Variants in ANKRD16 observed in about 807,000 individuals in gnomAD.
The protein encoded by ANKRD16 is ankyrin repeat domain 16.
In ANKRD16, 35 loss-of-function variants were observed where a neutral mutation model predicts 37.9. The ratio of observed to expected loss-of-function variants is 0.92; its 90% CI spans 0.71 to 1.23. ANKRD16 has a LOEUF of 1.23. Ranked by LOEUF, ANKRD16 falls within the 50% of genes most tolerant of loss-of-function variation. ANKRD16 has a pLI of 0.00. For synonymous variants in ANKRD16, 206 were observed against 197.2 expected (o/e 1.04, Z -0.37); for missense variants, 480 against 469.9 (o/e 1.02, Z -0.20).
intron 2 of ANKRD16, among the ~76,000 whole-genome samples, chr10:5,886,058 C>G (rs997799355): frequency 2.6e-5 from 4 of 152,166 alleles, no homozygotes; most frequent in Admixed American, 1.3e-4. Flanking sequence ...CTGTGGATCC[C>G]CAAGACTAGT....
At position 5,870,260 on chromosome 10, in the gene ANKRD16, G is replaced by A. The variant is rs929808402; in HGVS notation, c.*34-7569C>T. Among the ~76,000 whole-genome samples, 12 of 151,960 alleles carry A rather than the reference G, an allele frequency of 7.9e-5. No individual in the cohort carries two copies. Among genetic ancestry groups the A allele is most frequent in the Non-Finnish European group, 1.0e-4 (7 of 67,988 alleles). ...TCCAGCTCCTCACCGACCCCTTCAC[G>A]GAGGCCCCCAGTGCACCTGCGCAGT... On this transcript the variant is annotated intron_variant, in intron 7 of 7. Transcript: ENST00000380094. This position sits in a 1 kb window ranked among gnomAD's most constrained non-coding sequence, Gnocchi z 5.0.
intron 1 of ANKRD16, among the ~76,000 whole-genome samples, chr10:5,888,503 C>G (rs1266747081): frequency 6.6e-6 from 1 of 152,226 alleles, no homozygotes; most frequent in African/African-American, 2.4e-5. Flanking sequence ...CAGTGTCAAT[C>G]TAACAAACGA....
In ANKRD16 at chr10:5,881,464, A is replaced by G. The variant is rs778097626; in HGVS notation, c.850-1088T>C. Among the ~76,000 whole-genome samples, 18 of 131,670 alleles carry G rather than the reference A, an allele frequency of 1.4e-4. 1 individual carries two copies. The Middle Eastern group carries it at 0.015, about 112-fold the overall frequency. 86.4% of individuals were successfully genotyped at this position (131,670 alleles called of 152,430 possible). ...TATATATATATATATATATATATAT[A>G]TATATATATATATATATTTGAGATG... On this transcript the variant is annotated intron_variant, in intron 5 of 7. Coordinates refer to ENST00000380094, the MANE Select transcript of ANKRD16 (RefSeq NM_019046.3).
At chr10:5,880,412 G>C in intron 5 of ANKRD16, 36 bp from the exon 6 acceptor site, 1 of 1,420,414 alleles carries the variant, frequency 7.0e-7, no homozygotes. Context: ...CTGTGATGAG[G>C]ATAAAAGAAA....
rs1206019283 is a variant in ANKRD16 at position 5,870,308 on chromosome 10, C to T, written c.*34-7617G>A. On this transcript the variant is annotated intron_variant, in intron 7 of 7. Transcript: ENST00000380094. The surrounding 1 kb of genome is among the most constrained non-coding windows in gnomAD (Gnocchi z 5.0). ...AGTGAGGTCAGCTTCGCAGGGGCCCCCAGTGCACCCGCACAGTGAGGTCAG... is the reference window on the plus strand; with the variant it reads ...AGTGAGGTCAGCTTCGCAGGGGCCCTCAGTGCACCCGCACAGTGAGGTCAG... 1.3e-5 allele frequency among the ~76,000 whole-genome samples: 2 copies of T among 152,114 alleles called. No individual in the cohort carries two copies. The highest frequency in any genetic ancestry group is 4.8e-5 in the African/African-American group (2 of 41,426).
Position 5,862,349 on chromosome 10 carries a change from AG to A in ANKRD16, c.*375del. On this transcript the variant is annotated 3_prime_UTR_variant, in exon 8 of 8. Transcript: ENST00000380094. This position sits in a 1 kb window ranked among gnomAD's most constrained non-coding sequence, Gnocchi z 6.5. ...TCTTTCTTTCTGTCGGTGGTTCCTG[AG>A]GGTTGTGACGATCAGGGCAGAGGCA... 2.3e-6 allele frequency: 1 copy of A among 433,372 alleles called. No homozygotes were observed. The highest frequency in any genetic ancestry group is 4.5e-6 in the Non-Finnish European group (1 of 220,974). 26.8% of individuals were successfully genotyped at this position (433,372 alleles called of 1,614,324 possible).
At position 5,885,686 on chromosome 10, in the gene ANKRD16, A is replaced by T. The variant is rs765644774; in HGVS notation, c.578+37T>A. 4.3e-6 allele frequency: 7 copies of T among 1,612,026 alleles called. No individual in the cohort carries two copies. In the South Asian group the frequency reaches 7.7e-5, roughly 18 times the overall value. On this transcript the variant is annotated intron_variant, in intron 3 of 7. Coordinates refer to ENST00000380094, the MANE Select transcript of ANKRD16 (RefSeq NM_019046.3). The stretch of plus-strand genomic sequence containing the variant: ...CTGATATCAACTCTTTGTCATAGTT[A>T]GCAAATATTTTCCCTGACTTGCTGT...
In ANKRD16 at chr10:5,871,945, C is replaced by A. The variant is rs1310762189; in HGVS notation, c.*33+6152G>T. ...GCCCCTGTGCAGCCCATATCTCCCA[C>A]CCACTCGCATGGCCCAACCTCCAGT... On this transcript the variant is annotated intron_variant, in intron 7 of 7. Coordinates refer to ENST00000380094, the MANE Select transcript of ANKRD16 (RefSeq NM_019046.3). The surrounding 1 kb of genome is among the most constrained non-coding windows in gnomAD (Gnocchi z 4.5). 6.6e-6 allele frequency among the ~76,000 whole-genome samples: 1 copy of A among 152,176 alleles called. No individual in the cohort carries two copies. Among genetic ancestry groups the A allele is most frequent in the Non-Finnish European group, 1.5e-5 (1 of 68,038 alleles).
chr10:5,880,677 C>G (rs2131772000), intron 5 of ANKRD16, among the ~76,000 whole-genome samples: 1 of 152,004 alleles, frequency 6.6e-6, no homozygotes, highest in East Asian at 1.9e-4. Flanking sequence ...TCTCTTTCCA[C>G]TCAGTAAATT....
chr10:5,885,643 T>G, intron 3 of ANKRD16, 80 bp downstream of exon 3: 1 of 1,493,112 alleles, frequency 6.7e-7, no homozygotes, highest in Non-Finnish European at 9.2e-7. Flanking sequence ...AAAATGTGTC[T>G]GAGCTCTTTA....
rs926494696 is a variant in ANKRD16 at position 5,871,674 on chromosome 10, G to A, written c.*33+6423C>T. 3.3e-5 allele frequency among the ~76,000 whole-genome samples: 5 copies of A among 151,960 alleles called. No individual in the cohort carries two copies. The highest frequency in any genetic ancestry group is 9.7e-5 in the African/African-American group (4 of 41,348). ...AGAAGGAAACTCTCCTTCTGCATCT[G>A]GAGCTGAGCTCCCCAAGGGCTTCTA... On this transcript the variant is annotated intron_variant, in intron 7 of 7. Transcript: ENST00000380094. This position sits in a 1 kb window ranked among gnomAD's most constrained non-coding sequence, Gnocchi z 4.5.
rs1299900967 is a variant in ANKRD16, at chr10:5,862,502, G to A, written c.*223C>T. 1.2e-5 allele frequency: 10 copies of A among 841,766 alleles called. No homozygotes were observed. The highest frequency in any genetic ancestry group is 1.7e-6 in the Non-Finnish European group (1 of 589,994). The allele number at this position is 841,766 out of a possible 1,614,324, so 52.1% of individuals were successfully genotyped here. ...TTTTTGGAGACAGACCCAGGGAGCT[G>A]ACCTTGGGGGCCAGTGCAGATGTGG... On this transcript the variant is annotated 3_prime_UTR_variant, in exon 8 of 8. Coordinates refer to ENST00000380094, the MANE Select transcript of ANKRD16 (RefSeq NM_019046.3). The surrounding 1 kb of genome is among the most constrained non-coding windows in gnomAD (Gnocchi z 6.5).
intron 4 of ANKRD16, among the ~76,000 whole-genome samples, chr10:5,883,391 A>G (rs559158172): frequency 1.3e-5 from 2 of 152,326 alleles, no homozygotes; most frequent in Admixed American, 1.3e-4. Flanking sequence ...TTGGCTCACT[A>G]CAACCTCCAT....
In ANKRD16 at chr10:5,864,498, C is replaced by T. The variant is rs1841987613; in HGVS notation, c.*34-1807G>A. Reference sequence around the variant, plus strand: ...ATATCCTGATAGGTATATAGATGTCCCACAGGGTCCAGGGCAAACCTTCAA... The same window carrying T: ...ATATCCTGATAGGTATATAGATGTCTCACAGGGTCCAGGGCAAACCTTCAA... On this transcript the variant is annotated intron_variant, in intron 7 of 7. Transcript: ENST00000380094. The surrounding 1 kb of genome is among the most constrained non-coding windows in gnomAD (Gnocchi z 4.4). 6.6e-6 allele frequency among the ~76,000 whole-genome samples: 1 copy of T among 152,070 alleles called. No individual in the cohort carries two copies. Among genetic ancestry groups the T allele is most frequent in the Admixed American group, 6.6e-5 (1 of 15,264 alleles).
intron 4 of ANKRD16, 69 bp downstream of exon 4, chr10:5,883,900 C>T: frequency 7.3e-7 from 1 of 1,371,956 alleles, no homozygotes; most frequent in Non-Finnish European, 1.0e-6. Flanking sequence ...TAACAATGTG[C>T]TCTGCTTAAC....
At chr10:5,875,475 AAAG>A (rs938130646) in intron 7 of ANKRD16, among the ~76,000 whole-genome samples, 18 of 152,206 alleles carry the variant, frequency 1.2e-4, no homozygotes, top group Admixed American at 7.9e-4. Flanking sequence ...TAAACTGGGG[AAAG>A]AAGATATCAA....
Position 5,878,182 on chromosome 10 carries a change from AGCTGCTGAGCCAGGGT to A in ANKRD16, c.1018_1033del (p.Thr340SerfsTer16), listed in dbSNP as rs769729144. The A allele has an allele frequency of 1.2e-6, 2 of 1,614,150 alleles. No homozygotes were observed. The highest frequency in any genetic ancestry group is 1.7e-5 in the Admixed American group (1 of 60,010). On this transcript the variant is annotated frameshift_variant, in exon 7 of 8. Coordinates refer to ENST00000380094, the MANE Select transcript of ANKRD16 (RefSeq NM_019046.3). LOFTEE classifies it high-confidence loss of function. This position sits in a 1 kb window ranked among gnomAD's most constrained non-coding sequence, Gnocchi z 5.1. ...CTGAAGGACATCTGCTCTCCTTGGG[AGCTGCTGAGCCAGGGT>A]GCCCGTGATGTCTTCAGAATCCTTC...
In ANKRD16 at chr10:5,889,053, T is replaced by C. The variant is rs761615320; in HGVS notation, c.302A>G (p.Lys101Arg). ...LGRGAAVDCL[K>R]KADWTPLMMA... is the part of the protein sequence containing the mutation. Reference sequence around the variant, plus strand: ...GCTCCACACCTACCAGTCGGCCTTCTTCAGGCAGTCGACCGCTGCCCCCCG... The same window carrying C: ...GCTCCACACCTACCAGTCGGCCTTCCTCAGGCAGTCGACCGCTGCCCCCCG... Residue 101 changes from lysine (K) to arginine (R), a missense_variant, in exon 1 of 8, where the codon AAG becomes AGG. Lys to Arg is a conservative substitution (Grantham distance 26, BLOSUM62 2). Coordinates refer to ENST00000380094, the MANE Select transcript of ANKRD16 (RefSeq NM_019046.3). The C allele has an allele frequency of 9.7e-6, 15 of 1,550,106 alleles. No homozygotes were observed. Among genetic ancestry groups the C allele is most frequent in the Admixed American group, 5.7e-5 (3 of 52,220 alleles).
At position 5,880,293 on chromosome 10, in the gene ANKRD16, G is replaced by A. The variant is rs779828349; in HGVS notation, c.928+5C>T. On this transcript the variant is annotated splice_donor_5th_base_variant and intron_variant, in intron 6 of 7. Coordinates refer to ENST00000380094, the MANE Select transcript of ANKRD16 (RefSeq NM_019046.3). ...TTCCAAGGCATATATAAAATTAAAC[G>A]GTACCTGATCGATTTTTTTCATCTT... is the stretch of plus-strand genomic sequence containing the variant. 23 of 1,565,996 alleles carry A rather than the reference G, an allele frequency of 1.5e-5. No individual in the cohort carries two copies. Among genetic ancestry groups the A allele is most frequent in the South Asian group, 5.8e-5 (5 of 85,858 alleles).
Sources: gnomAD v4.1 joint callset for allele counts (sites outside exome capture counted in the v4.1 genomes callset) on GRCh38, gnomAD v4.1.1 for gene constraint, Gnocchi (gnomAD v3.1) non-coding constraint, MANE v1.5 for transcripts, NCBI Gene and HGNC (gene_info 2026-07-23, HGNC 2026-07-21) for gene names.